ARHGEF12: variants seen among roughly 807,000 people sequenced by gnomAD.
ARHGEF12 encodes the protein Rho guanine nucleotide exchange factor 12.
Under a neutral mutation model 211.2 loss-of-function variants are expected in ARHGEF12, and 66 were observed. The ratio of observed to expected loss-of-function variants is 0.31; its 90% confidence interval spans 0.26 to 0.38. ARHGEF12 has a LOEUF of 0.38. ARHGEF12 is among the 10% of genes least tolerant of loss of function. The pLI, the probability that ARHGEF12 is intolerant of heterozygous loss-of-function variation, is 1.00. For synonymous variants in ARHGEF12, 592 were observed against 638.4 expected, an observed-to-expected ratio of 0.93 and a Z score of 1.09; for missense variants, 1,429 against 1,869.5, an observed-to-expected ratio of 0.76 and a Z score of 4.34.
intron 1 of ARHGEF12, among the ~76,000 whole-genome samples, chr11:120,347,432 G>A (rs1267946037): frequency 2.0e-5 from 3 of 151,740 alleles, no homozygotes; most frequent in African/African-American, 7.3e-5. Flanking sequence ...AGCTCTTAAT[G>A]GCTCCAAGTC....
intron 1 of ARHGEF12, among the ~76,000 whole-genome samples, chr11:120,362,206 C>T (rs1293483312): frequency 3.3e-5 from 5 of 152,088 alleles, no homozygotes; most frequent in Non-Finnish European, 7.4e-5. Flanking sequence ...TTCTAAAGTC[C>T]TGTAATGTTG....
rs1008606246 is a variant in ARHGEF12 at position 120,399,273 on chromosome 11, A to G, written c.33-6845A>G. ...GAGTTCGAGGTTACAGTGACCTATG[A>G]TTGTGCCACTGCACTCCAGCCTGAG... On this transcript the variant is annotated intron_variant, in intron 1 of 40. Transcript: ENST00000397843. Among the ~76,000 whole-genome samples the G allele has an allele frequency of 4.9e-5, 6 of 122,874 alleles. No individual in the cohort carries two copies. In the Admixed American group the frequency reaches 6.4e-4, roughly 13 times the overall value. 80.6% of individuals were successfully genotyped at this position (122,874 alleles called of 152,430 possible). A position where few individuals can be genotyped will look rare whatever the true frequency, so the allele number is the denominator to read the frequency against.
At chr11:120,421,940 A>G (rs2135677659) in intron 6 of ARHGEF12, 88 bp downstream of exon 6, 1 of 993,294 alleles carries the variant, frequency 1.0e-6, no homozygotes. Context: ...TTGGATTTTT[A>G]TAAAAAGCAT....
intron 1 of ARHGEF12, among the ~76,000 whole-genome samples, chr11:120,383,165 G>T (rs1943926008): frequency 6.6e-6 from 1 of 151,984 alleles, no homozygotes; most frequent in African/African-American, 2.4e-5. Flanking sequence ...CAGTGTCTTT[G>T]GGGGAGAGCC....
intron 1 of ARHGEF12, among the ~76,000 whole-genome samples, chr11:120,372,904 G>C (rs1349548934): frequency 6.6e-6 from 1 of 151,868 alleles, no homozygotes; most frequent in African/African-American, 2.4e-5. Flanking sequence ...TCTGCTTAAG[G>C]TCACTCTAAC....
At chr11:120,363,243 C>T (rs1943328857) in intron 1 of ARHGEF12, among the ~76,000 whole-genome samples, 1 of 152,112 alleles carries the variant, frequency 6.6e-6, no homozygotes, top group Non-Finnish European at 1.5e-5. Flanking sequence ...TATTCTTTTC[C>T]ATTAAATGAC....
At position 120,485,562 on chromosome 11, in the gene ARHGEF12, G is replaced by C; in HGVS notation, c.*485G>C. 4.2e-6 allele frequency: 1 copy of C among 237,164 alleles called. No individual in the cohort carries two copies. 14.7% of individuals were successfully genotyped at this position (237,164 alleles called of 1,614,324 possible). A position where few individuals can be genotyped will look rare whatever the true frequency, so the allele number is the denominator to read the frequency against. On this transcript the variant is annotated 3_prime_UTR_variant, in exon 41 of 41. Coordinates refer to ENST00000397843, the MANE Select transcript of ARHGEF12 (RefSeq NM_015313.3). ...CCTGAAGCAAAGAGGTCAGGATGGA[G>C]TATGCAGAAGTTGGGTAGAGAGGTT... is the stretch of plus-strand genomic sequence containing the variant.
At chr11:120,398,850 A>G (rs1008784544) in intron 1 of ARHGEF12, among the ~76,000 whole-genome samples, 15 of 152,098 alleles carry the variant, frequency 9.9e-5, no homozygotes, top group East Asian at 9.6e-4. Flanking sequence ...TTTTATCTTT[A>G]CCTGTATTTT....
At chr11:120,398,473 A>G (rs554533410) in intron 1 of ARHGEF12, among the ~76,000 whole-genome samples, 1 of 152,212 alleles carries the variant, frequency 6.6e-6, no homozygotes, top group South Asian at 2.1e-4. Flanking sequence ...TGGCATGCAT[A>G]TAATTAATTT....
intron 15 of ARHGEF12, among the ~76,000 whole-genome samples, chr11:120,443,049 T>C (rs1023320301): frequency 1.8e-4 from 26 of 140,976 alleles, no homozygotes; most frequent in Non-Finnish European, 3.0e-5. Context: ...TGAGACAGAG[T>C]CTTGCTCTGT....
intron 6 of ARHGEF12, among the ~76,000 whole-genome samples, chr11:120,423,176 AAAG>A (rs1390279976): frequency 2.0e-5 from 3 of 152,172 alleles, no homozygotes; most frequent in Non-Finnish European, 2.9e-5. Flanking sequence ...CACTGATAAC[AAAG>A]AAGAAGAAAT....
chr11:120,362,886 G>C (rs996103326), intron 1 of ARHGEF12, among the ~76,000 whole-genome samples: 1 of 152,118 alleles, frequency 6.6e-6, no homozygotes, highest in African/African-American at 2.4e-5. Context: ...GGATCATGAG[G>C]TCAGGAGATC....
At chr11:120,409,598 A>G (rs1565460164) in intron 4 of ARHGEF12, 148 bp downstream of exon 4, 1 of 745,248 alleles carries the variant, frequency 1.3e-6, no homozygotes, top group African/African-American at 1.8e-5. Flanking sequence ...ACTGCAGGGA[A>G]AGGGAGCCTG....
intron 6 of ARHGEF12, among the ~76,000 whole-genome samples, chr11:120,423,889 G>T (rs1204145778): frequency 6.6e-6 from 1 of 152,086 alleles, no homozygotes; most frequent in Non-Finnish European, 1.5e-5. Flanking sequence ...TCTACATTTA[G>T]CCGGTCTGAA....
intron 33 of ARHGEF12, chr11:120,476,310 C>T (rs571818975): frequency 1.4e-4 from 24 of 165,936 alleles, no homozygotes; most frequent in Non-Finnish European, 2.1e-4. Context: ...GAGCTCCAAG[C>T]GGTCCACCTG....
At chr11:120,362,388 C>A in intron 1 of ARHGEF12, among the ~76,000 whole-genome samples, 1 of 152,172 alleles carries the variant, frequency 6.6e-6, no homozygotes, top group East Asian at 1.9e-4. Context: ...GACTTTTACC[C>A]AGTGAGTTAA....
Position 120,467,186 on chromosome 11 carries a change from A to C in ARHGEF12, c.2740-8A>C. 6.4e-7 allele frequency: 1 copy of C among 1,567,266 alleles called. No individual in the cohort carries two copies. On this transcript the variant is annotated splice_polypyrimidine_tract_variant and splice_region_variant and intron_variant, in intron 28 of 40. Transcript: ENST00000397843. ...ATTACAGATTCACTTATTTCACTTT[A>C]ATTTTAGGATGCTGAAAGTAATCCA...
chr11:120,336,992 C>A lies in ARHGEF12; in HGVS notation c.-252C>A. 1 of 521,938 alleles carries A rather than the reference C, an allele frequency of 1.9e-6. No individual in the cohort carries two copies. The highest frequency in any genetic ancestry group is 3.2e-5 in the East Asian group (1 of 31,536). The allele number at this position is 521,938 out of a possible 1,614,324, so 32.3% of individuals were successfully genotyped here. A position where few individuals can be genotyped will look rare whatever the true frequency, so the allele number is the denominator to read the frequency against. On this transcript the variant is annotated 5_prime_UTR_variant, in exon 1 of 41. Transcript: ENST00000397843. The stretch of plus-strand genomic sequence containing the variant: ...CTTGTGCCTTCTGGAGGATTTCTCT[C>A]TAGCTCGACTCACTCTGGACTGACT...
intron 21 of ARHGEF12, chr11:120,451,303 C>T (rs187133259): frequency 5.3e-5 from 24 of 451,982 alleles, no homozygotes; most frequent in East Asian, 2.9e-4. Flanking sequence ...CTCAGCCTTC[C>T]GAGTAGCTGG....
Sources: gnomAD v4.1 joint callset for allele counts (sites outside exome capture counted in the v4.1 genomes callset) on GRCh38, gnomAD v4.1.1 for gene constraint, MANE v1.5 for transcripts, NCBI Gene and HGNC (gene_info 2026-07-23, HGNC 2026-07-21) for gene names.